Variants in COG5 observed in about 807,000 individuals in gnomAD.
COG5 encodes the protein component of oligomeric golgi complex 5.
Under a neutral mutation model 110.4 loss-of-function variants are expected in COG5, and 86 were observed. The observed-to-expected ratio is 0.78, with a 90% CI of 0.65 to 0.93. The LOEUF (loss-of-function observed/expected upper bound fraction) is 0.93. Ranked by LOEUF, COG5 falls within the 40% of genes least tolerant of loss-of-function variation. The probability of loss-of-function intolerance (pLI) is 0.00; values close to 1 mark genes in which losing one functional copy is unlikely to be tolerated. For synonymous variants in COG5, 360 were observed against 334.6 expected, an observed-to-expected ratio of 1.08 and a Z score of -0.83; for missense variants, 1,077 against 987.0, an observed-to-expected ratio of 1.09 and a Z score of -1.22.
intron 12 of COG5, among the ~76,000 whole-genome samples, chr7:107,297,443 CTTTTTT>C (rs71314693): frequency 9.0e-5 from 7 of 77,986 alleles, no homozygotes; most frequent in South Asian, 1.0e-3. Flanking sequence ...TACATTCTGC[CTTTTTT>C]TTTTTTTTTT....
At chr7:107,461,540 T>A (rs1182903824) in intron 6 of COG5, among the ~76,000 whole-genome samples, 3 of 152,178 alleles carry the variant, frequency 2.0e-5, no homozygotes, top group African/African-American at 7.2e-5. Flanking sequence ...GCTCTCACCA[T>A]TTCTACTCAA....
intron 11 of COG5, among the ~76,000 whole-genome samples, chr7:107,306,900 TTC>T (rs1807767689): frequency 6.6e-6 from 1 of 152,170 alleles, no homozygotes; most frequent in Non-Finnish European, 1.5e-5. Flanking sequence ...TCAATTTCTG[TTC>T]TCTGTTTCAT....
At chr7:107,246,038 T>A (rs554179127) in intron 17 of COG5, among the ~76,000 whole-genome samples, 238 of 152,236 alleles carry the variant, frequency 1.6e-3, no homozygotes, top group African/African-American at 4.8e-3. Context: ...TGGAACAGAA[T>A]AGAAAGCCCA....
chr7:107,277,979 C>A (rs1804837634), intron 14 of COG5, among the ~76,000 whole-genome samples: 1 of 152,020 alleles, frequency 6.6e-6, no homozygotes, highest in Non-Finnish European at 1.5e-5. Flanking sequence ...TAAAAATCAG[C>A]TTGAAAAAAC....
At chr7:107,541,519 AAAAAAT>A (rs1452543973) in intron 5 of COG5, among the ~76,000 whole-genome samples, 24 of 78,184 alleles carry the variant, frequency 3.1e-4, no homozygotes, top group Middle Eastern at 6.4e-3. Context: ...AAAAAAAAAA[AAAAAAT>A]ATATATATAT....
intron 21 of COG5, chr7:107,208,663 C>T: frequency 1.0e-6 from 1 of 985,476 alleles, no homozygotes; most frequent in Non-Finnish European, 1.2e-6. Context: ...TTCACCGGGG[C>T]TGGTAACCTC....
intron 19 of COG5, among the ~76,000 whole-genome samples, chr7:107,219,092 T>C (rs1464656032): frequency 2.0e-5 from 3 of 152,016 alleles, no homozygotes; most frequent in Admixed American, 2.0e-4. Context: ...TATGAAAAAA[T>C]GCTCAACATC....
chr7:107,413,277 G>A (rs1338713853), intron 6 of COG5, among the ~76,000 whole-genome samples: 1 of 151,920 alleles, frequency 6.6e-6, no homozygotes, highest in Non-Finnish European at 1.5e-5. Context: ...GACCTCTTGA[G>A]TAGCTGGGCC....
chr7:107,371,436 T>TA (rs1180763539), intron 8 of COG5, among the ~76,000 whole-genome samples: 1 of 151,944 alleles, frequency 6.6e-6, no homozygotes, highest in Non-Finnish European at 1.5e-5. Flanking sequence ...TTTTTTTAAA[T>TA]AAAAAATTAA....
At chr7:107,460,919 A>G (rs897686086) in intron 6 of COG5, among the ~76,000 whole-genome samples, 4 of 151,830 alleles carry the variant, frequency 2.6e-5, no homozygotes, top group African/African-American at 4.8e-5. Context: ...GAAAATATGA[A>G]TCTATTATCT....
At chr7:107,309,643 G>A (rs755265764) in intron 11 of COG5, among the ~76,000 whole-genome samples, 7 of 152,182 alleles carry the variant, frequency 4.6e-5, no homozygotes, top group Non-Finnish European at 8.8e-5. Context: ...AAATTACTGA[G>A]TTTAAAAGTA....
Position 107,498,095 on chromosome 7 carries a change from T to C in COG5, c.538+29142A>G, listed in dbSNP as rs540975693. On this transcript the variant is annotated intron_variant, in intron 6 of 21. Transcript: ENST00000297135. The stretch of plus-strand genomic sequence containing the variant: ...GATATACAAATGCAAGGGAATGAAA[T>C]TGGACCCTTAGTCTTACACCATACA... 2.2e-4 allele frequency among the ~76,000 whole-genome samples: 33 copies of C among 152,206 alleles called. No homozygotes were observed. The East Asian group carries it at 4.4e-3, about 20-fold the overall frequency.
intron 10 of COG5, among the ~76,000 whole-genome samples, chr7:107,361,630 C>T (rs1188949284): frequency 6.6e-6 from 1 of 152,064 alleles, no homozygotes; most frequent in Non-Finnish European, 1.5e-5. Context: ...GGCGTGACCT[C>T]AGCTCACTGC....
At chr7:107,348,163 A>C (rs2129039752) in intron 10 of COG5, among the ~76,000 whole-genome samples, 1 of 150,390 alleles carries the variant, frequency 6.6e-6, no homozygotes, top group African/African-American at 2.4e-5. Context: ...TTTGTCAAAT[A>C]CTCTTTCTAC....
At chr7:107,287,789 T>A (rs1489421327) in intron 12 of COG5, among the ~76,000 whole-genome samples, 1 of 152,226 alleles carries the variant, frequency 6.6e-6, no homozygotes, top group Non-Finnish European at 1.5e-5. Context: ...CTTAGTATAA[T>A]GTTTTCAAGG....
At chr7:107,342,653 G>T (rs986932614) in intron 10 of COG5, among the ~76,000 whole-genome samples, 2 of 151,976 alleles carry the variant, frequency 1.3e-5, no homozygotes, top group Non-Finnish European at 2.9e-5. Context: ...ATTCCAGCCT[G>T]GGCAACAGAG....
intron 6 of COG5, among the ~76,000 whole-genome samples, chr7:107,429,817 C>T (rs752674660): frequency 3.3e-5 from 5 of 152,162 alleles, no homozygotes; most frequent in East Asian, 1.9e-4. Flanking sequence ...CCATGTGAGA[C>T]GTGCCTTTCA....
intron 11 of COG5, among the ~76,000 whole-genome samples, chr7:107,320,882 C>T (rs1000839127): frequency 6.6e-6 from 1 of 152,138 alleles, no homozygotes; most frequent in Non-Finnish European, 1.5e-5. Context: ...TGGTTAAGTA[C>T]AGACATCCTT....
chr7:107,370,232 G>A (rs566098421), intron 8 of COG5, among the ~76,000 whole-genome samples: 121 of 151,992 alleles, frequency 8.0e-4, no homozygotes, highest in Non-Finnish European at 1.3e-3. Flanking sequence ...CAACAGCTGT[G>A]AGCCATTCAC....
Sources: gnomAD v4.1 joint callset for allele counts (sites outside exome capture counted in the v4.1 genomes callset) on GRCh38, gnomAD v4.1.1 for gene constraint, MANE v1.5 for transcripts, NCBI Gene and HGNC (gene_info 2026-07-23, HGNC 2026-07-21) for gene names.